CDH4: variants seen among roughly 807,000 people sequenced by gnomAD.
The protein encoded by CDH4 is cadherin 4, also known as cadherin-4.
A neutral mutation model predicts 86.0 loss-of-function variants in CDH4; 33 were observed. The ratio of observed to expected loss-of-function variants is 0.38; its 90% CI spans 0.29 to 0.51. The LOEUF (loss-of-function observed/expected upper bound fraction) is 0.51, where lower values mean the gene tolerates loss of function less well. Among genes scored for constraint, CDH4 ranks in the 20% least tolerant of loss-of-function variants. CDH4 has a pLI of 0.86. For missense variants in CDH4, 1,114 were observed against 1,307.4 expected, an observed-to-expected ratio of 0.85 and a Z score of 2.28; for synonymous variants, 555 against 549.4, an observed-to-expected ratio of 1.01 and a Z score of -0.14.
intron 2 of CDH4, among the ~76,000 whole-genome samples, chr20:61,591,610 A>G (rs2086519792): frequency 6.6e-6 from 1 of 152,220 alleles, no homozygotes; most frequent in African/African-American, 2.4e-5. Context: ...TCAAAAGTCA[A>G]CAAGAGGCAG....
At chr20:61,410,087 A>T (rs2085108763) in intron 2 of CDH4, among the ~76,000 whole-genome samples, 2 of 152,242 alleles carry the variant, frequency 1.3e-5, no homozygotes, top group Admixed American at 1.3e-4. Flanking sequence ...GCTTGATCCC[A>T]TGAGAATTGG....
chr20:61,818,750 C>T (rs1211937650), intron 4 of CDH4, among the ~76,000 whole-genome samples: 1 of 150,880 alleles, frequency 6.6e-6, no homozygotes, highest in Non-Finnish European at 1.5e-5. Context: ...AGGAGTGTTT[C>T]AGGCCCCAGC....
intron 8 of CDH4, among the ~76,000 whole-genome samples, chr20:61,909,708 C>G (rs1273654884): frequency 1.3e-5 from 2 of 152,204 alleles, no homozygotes; most frequent in African/African-American, 4.8e-5. Flanking sequence ...TCTGAAGATG[C>G]ACATGGTAGC....
chr20:61,692,844 T>C (rs549396553), intron 2 of CDH4, among the ~76,000 whole-genome samples: 2 of 152,006 alleles, frequency 1.3e-5, no homozygotes, highest in Non-Finnish European at 2.9e-5. Flanking sequence ...GTTTTTTGTT[T>C]TTTTTTTTGC....
intron 2 of CDH4, among the ~76,000 whole-genome samples, chr20:61,688,486 C>A (rs529452443): frequency 2.0e-5 from 3 of 152,358 alleles, no homozygotes; most frequent in African/African-American, 7.2e-5. Context: ...ACGTGCCCTG[C>A]CCTGACAGCA....
intron 2 of CDH4, among the ~76,000 whole-genome samples, chr20:61,351,726 T>A: frequency 9.2e-5 from 1 of 10,838 alleles, no homozygotes; most frequent in South Asian, 2.5e-3. Flanking sequence ...TTATTTATCT[T>A]TTTTTTTTTT....
intron 2 of CDH4, among the ~76,000 whole-genome samples, chr20:61,548,589 TA>T (rs2086105565): frequency 6.6e-6 from 1 of 152,202 alleles, no homozygotes; most frequent in Non-Finnish European, 1.5e-5. Context: ...AAAATGTCAT[TA>T]AAAAATTAAA....
chr20:61,345,099 C>T (rs898357566), intron 2 of CDH4, among the ~76,000 whole-genome samples: 1 of 152,170 alleles, frequency 6.6e-6, no homozygotes, highest in African/African-American at 2.4e-5. Context: ...CTGTCTCTTT[C>T]GATGGACGAT....
chr20:61,505,115 G>A (rs1325452413), intron 2 of CDH4, among the ~76,000 whole-genome samples: 1 of 152,210 alleles, frequency 6.6e-6, no homozygotes, highest in African/African-American at 2.4e-5. Flanking sequence ...TTTCACTCAT[G>A]TCTGGGAAGG....
intron 2 of CDH4, among the ~76,000 whole-genome samples, chr20:61,571,851 C>T (rs1281738537): frequency 6.6e-6 from 1 of 151,220 alleles, no homozygotes; most frequent in African/African-American, 2.4e-5. Context: ...GGCACCACAC[C>T]ATGCAATATC....
intron 2 of CDH4, among the ~76,000 whole-genome samples, chr20:61,423,466 A>G (rs1348015169): frequency 2.0e-5 from 3 of 152,206 alleles, no homozygotes; most frequent in African/African-American, 7.2e-5. Flanking sequence ...AAACTATCCC[A>G]GAGTCCAAAA....
At chr20:61,797,782 G>C (rs950715601) in intron 4 of CDH4, among the ~76,000 whole-genome samples, 1 of 152,106 alleles carries the variant, frequency 6.6e-6, no homozygotes, top group African/African-American at 2.4e-5. Flanking sequence ...GTGAGACCCC[G>C]TCTCTACAAA....
chr20:61,872,216 C>T (rs1014943481), intron 6 of CDH4, among the ~76,000 whole-genome samples: 3 of 152,176 alleles, frequency 2.0e-5, no homozygotes, highest in Non-Finnish European at 4.4e-5. Context: ...CAGCATGGAC[C>T]CAGCCCCGCC....
intron 2 of CDH4, among the ~76,000 whole-genome samples, chr20:61,403,662 C>T (rs867197713): frequency 4.6e-5 from 7 of 152,178 alleles, no homozygotes; most frequent in Admixed American, 1.3e-4. Flanking sequence ...TCCAGAAGGC[C>T]GTGTGCTCAT....
chr20:61,457,292 C>T (rs1019046925), intron 2 of CDH4, among the ~76,000 whole-genome samples: 2 of 152,274 alleles, frequency 1.3e-5, no homozygotes, highest in Middle Eastern at 3.4e-3. Context: ...CTCTGTCACT[C>T]TCTACCGTCT....
At chr20:61,803,941 A>G (rs898838149) in intron 4 of CDH4, among the ~76,000 whole-genome samples, 1 of 152,214 alleles carries the variant, frequency 6.6e-6, no homozygotes, top group African/African-American at 2.4e-5. Context: ...CGGTGCCGAG[A>G]CGGCGGAGGT....
chr20:61,427,756 A>G (rs944395086), intron 2 of CDH4, among the ~76,000 whole-genome samples: 6 of 151,990 alleles, frequency 3.9e-5, no homozygotes, highest in East Asian at 1.9e-4. Flanking sequence ...CTGTGCAAGC[A>G]GTTGTCTCCC....
intron 2 of CDH4, among the ~76,000 whole-genome samples, chr20:61,648,164 A>G (rs2145811637): frequency 6.6e-6 from 1 of 152,330 alleles, no homozygotes; most frequent in South Asian, 2.1e-4. Flanking sequence ...TGAGTATTGC[A>G]GGGAACAGAA....
intron 2 of CDH4, among the ~76,000 whole-genome samples, chr20:61,308,998 G>A (rs560229474): frequency 6.6e-6 from 1 of 152,242 alleles, no homozygotes; most frequent in Non-Finnish European, 1.5e-5. Flanking sequence ...ACAGACCTCA[G>A]TTGGAGCAGG....
Sources: gnomAD v4.1 joint callset for allele counts (sites outside exome capture counted in the v4.1 genomes callset) on GRCh38, gnomAD v4.1.1 for gene constraint, MANE v1.5 for transcripts, NCBI Gene and HGNC (gene_info 2026-07-23, HGNC 2026-07-21) for gene names.